FCER1A: variants seen among roughly 807,000 people sequenced by gnomAD.
The protein encoded by FCER1A is Fc epsilon receptor Ia, also known as high affinity immunoglobulin epsilon receptor subunit alpha.
Under a neutral mutation model 23.6 loss-of-function variants are expected in FCER1A, and 24 were observed. The observed-to-expected ratio is 1.02, with a 90% CI of 0.74 to 1.43. The LOEUF (loss-of-function observed/expected upper bound fraction) is 1.43, where lower values mean the gene tolerates loss of function less well. Ranked by LOEUF, FCER1A falls within the 40% of genes most tolerant of loss-of-function variation. The pLI, the probability that FCER1A is intolerant of heterozygous loss-of-function variation, is 0.00. For missense variants in FCER1A, 318 were observed against 294.5 expected (o/e 1.08, Z -0.58); for synonymous variants, 121 against 108.8 (o/e 1.11, Z -0.70).
chr1:159,304,218 T>A (rs370841108), intron 3 of FCER1A, 36 bp downstream of exon 3: 85 of 1,591,444 alleles, frequency 5.3e-5, no homozygotes, highest in East Asian at 1.1e-4. Context: ...AGATCTCTCA[T>A]GTGAGGGATG....
intron 1 of FCER1A, among the ~76,000 whole-genome samples, chr1:159,293,825 A>G (rs1344123139): frequency 6.6e-6 from 1 of 152,006 alleles, no homozygotes; most frequent in African/African-American, 2.4e-5. Flanking sequence ...TCATCTGACA[A>G]AGGGCTAATA....
At chr1:159,298,379 G>A (rs1652349765), upstream of FCER1A, among the ~76,000 whole-genome samples, 1 of 152,166 alleles carries the variant, frequency 6.6e-6, no homozygotes, top group African/African-American at 2.4e-5. Context: ...ATGGCTTGGT[G>A]CCTTCCCCAT....
At chr1:159,305,442 T>C (rs1474876157) in intron 3 of FCER1A, among the ~76,000 whole-genome samples, 1 of 152,198 alleles carries the variant, frequency 6.6e-6, no homozygotes, top group Admixed American at 6.5e-5. Flanking sequence ...CAGAATAGAA[T>C]GTAGAACTAG....
intron 1 of FCER1A, among the ~76,000 whole-genome samples, chr1:159,296,872 T>A (rs1020710306): frequency 6.6e-6 from 1 of 152,122 alleles, no homozygotes; most frequent in African/African-American, 2.4e-5. Flanking sequence ...TCAGAATGCG[T>A]CCTGCCCCTC....
the FCER1A span, among the ~76,000 whole-genome samples, chr1:159,284,618 A>G: frequency 6.6e-6 from 1 of 152,214 alleles, no homozygotes; most frequent in Non-Finnish European, 1.5e-5. Flanking sequence ...AACGTAAATG[A>G]CTTGTGATTT....
upstream of FCER1A, among the ~76,000 whole-genome samples, chr1:159,301,426 G>T (rs1488727574): frequency 6.6e-6 from 1 of 152,138 alleles, no homozygotes; most frequent in Non-Finnish European, 1.5e-5. Flanking sequence ...AAAGGAGAAA[G>T]GGAGATCATG....
chr1:159,307,897 A>G lies in FCER1A; in HGVS notation c.739A>G (p.Asn247Asp). ...AACCAGGAAAGGCTTCAGACTTCTG[A>G]ACCCACATCCTAAGCCAAACCCCAA... ...KRTRKGFRLL[N>D]PHPKPNPKNN Residue 247 changes from asparagine (N) to aspartate (D), a missense_variant, in exon 5 of 5, where the codon AAC becomes GAC. Coordinates refer to ENST00000693622, the MANE Select transcript of FCER1A (RefSeq NM_001387280.1). 1.9e-6 allele frequency: 3 copies of G among 1,612,804 alleles called. No individual in the cohort carries two copies. Among genetic ancestry groups the G allele is most frequent in the Non-Finnish European group, 2.5e-6 (3 of 1,179,006 alleles).
upstream of FCER1A, among the ~76,000 whole-genome samples, chr1:159,299,426 A>C: frequency 6.6e-6 from 1 of 152,204 alleles, no homozygotes; most frequent in East Asian, 1.9e-4. Context: ...CCCGAAACAC[A>C]AAAGTTCCTG....
intron 1 of FCER1A, among the ~76,000 whole-genome samples, chr1:159,290,412 G>A (rs932534671): frequency 1.3e-5 from 2 of 151,890 alleles, no homozygotes; most frequent in Non-Finnish European, 2.9e-5. Flanking sequence ...TTCTCCATCA[G>A]TACCCTAGCA....
chr1:159,307,964 G>T lies in FCER1A; in HGVS notation c.*32G>T. On this transcript the variant is annotated 3_prime_UTR_variant, in exon 5 of 5. Coordinates refer to ENST00000693622, the MANE Select transcript of FCER1A (RefSeq NM_001387280.1). ...TACTCAAGAAATATTTGCAACATTA[G>T]TTTTTTTCCAGCATCAGCAATTGCT... The T allele has an allele frequency of 6.5e-7, 1 of 1,532,050 alleles. No individual in the cohort carries two copies. Among genetic ancestry groups the T allele is most frequent in the Non-Finnish European group, 8.9e-7 (1 of 1,120,566 alleles). 94.9% of individuals were successfully genotyped at this position (1,532,050 alleles called of 1,614,324 possible). A position where few individuals can be genotyped will look rare whatever the true frequency, so the allele number is the denominator to read the frequency against.
In FCER1A at chr1:159,306,120, G is replaced by C. The variant is rs1162332164; in HGVS notation, c.464G>C (p.Trp155Ser). 6.2e-7 allele frequency: 1 copy of C among 1,614,100 alleles called. No individual in the cohort carries two copies. The highest frequency in any genetic ancestry group is 1.7e-5 in the Admixed American group (1 of 60,018). The change falls in exon 4 of 5, where the codon TGG becomes TCG. Residue 155 changes from tryptophan to serine, a missense_variant. Transcript: ENST00000693622. ...YYKDGEALKY[W>S]YENHNISITN... ...AAGGATGGTGAAGCTCTCAAGTACT[G>C]GTATGAGAACCACAACATCTCCATT...
intron 1 of FCER1A, among the ~76,000 whole-genome samples, chr1:159,293,492 A>G (rs1652212034): frequency 6.6e-6 from 1 of 150,466 alleles, no homozygotes; most frequent in South Asian, 2.1e-4. Flanking sequence ...TGCCGCACCC[A>G]TTAACTCGTC....
At chr1:159,299,775 T>TA (rs995718511), upstream of FCER1A, among the ~76,000 whole-genome samples, 12 of 152,096 alleles carry the variant, frequency 7.9e-5, no homozygotes, top group Admixed American at 2.6e-4. Flanking sequence ...ACTTTTTTTT[T>TA]TATATATAAG....
upstream of FCER1A, among the ~76,000 whole-genome samples, chr1:159,300,699 T>C (rs1057152753): frequency 2.6e-5 from 4 of 152,214 alleles, no homozygotes; most frequent in Admixed American, 6.5e-5. Context: ...TATAAGTCTT[T>C]AATAAATAAT....
intron 1 of FCER1A, among the ~76,000 whole-genome samples, chr1:159,296,089 A>T (rs867630015): frequency 5.3e-5 from 8 of 152,146 alleles, no homozygotes; most frequent in Admixed American, 3.9e-4. Flanking sequence ...TTACTTTCTG[A>T]TGAATTTTAT....
upstream of FCER1A, among the ~76,000 whole-genome samples, chr1:159,297,410 G>GCT (rs1363104815): frequency 6.6e-6 from 1 of 152,102 alleles, no homozygotes; most frequent in Non-Finnish European, 1.5e-5. Flanking sequence ...GGGAAAGGAG[G>GCT]CTCTCTCTCT....
At position 159,303,965 on chromosome 1, in the gene FCER1A, G is replaced by C. The variant is rs151174911; in HGVS notation, c.114G>C (p.Trp38Cys). The C allele has an allele frequency of 9.3e-6, 15 of 1,611,462 alleles. No homozygotes were observed. In the South Asian group the frequency reaches 1.4e-4, roughly 15 times the overall value. ...CTAAGGTCTCCTTGAACCCTCCATG[G>C]AATAGAATATTTAAAGGAGAGAATG... ...QKPKVSLNPP[W>C]NRIFKGENVT... is the part of the protein sequence containing the mutation. Residue 38 changes from tryptophan (W) to cysteine (C), a missense_variant, in exon 3 of 5, where the codon TGG (tryptophan) becomes TGC (cysteine). Coordinates refer to ENST00000693622, the MANE Select transcript of FCER1A (RefSeq NM_001387280.1).
chr1:159,298,449 C>G (rs1271821185), upstream of FCER1A, among the ~76,000 whole-genome samples: 2 of 152,152 alleles, frequency 1.3e-5, no homozygotes, highest in Admixed American at 1.3e-4. Flanking sequence ...CCTTTTCACT[C>G]TCTTCTTTAG....
At chr1:159,300,969 A>G (rs1420045101), upstream of FCER1A, among the ~76,000 whole-genome samples, 1 of 152,228 alleles carries the variant, frequency 6.6e-6, no homozygotes, top group Non-Finnish European at 1.5e-5. Context: ...AAAACATAGC[A>G]TGTCCTGGGC....
Sources: gnomAD v4.1 joint callset for allele counts (sites outside exome capture counted in the v4.1 genomes callset) on GRCh38, gnomAD v4.1.1 for gene constraint, MANE v1.5 for transcripts, NCBI Gene and HGNC (gene_info 2026-07-23, HGNC 2026-07-21) for gene names.